MORC2: variants seen among roughly 807,000 people sequenced by gnomAD.
The protein encoded by MORC2 is MORC family CW-type zinc finger 2, also known as ATPase MORC2.
A neutral mutation model predicts 136.0 loss-of-function variants in MORC2; 30 were observed. The ratio of observed to expected loss-of-function variants is 0.22; its 90% CI spans 0.17 to 0.30. The LOEUF is 0.30. Among genes scored for constraint, MORC2 ranks in the 10% least tolerant of loss-of-function variants. The probability of loss-of-function intolerance (pLI) is 1.00; values close to 1 mark genes in which losing one functional copy is unlikely to be tolerated. For synonymous variants in MORC2, 439 were observed against 487.0 expected, an observed-to-expected ratio of 0.90 and a Z score of 1.30; for missense variants, 922 against 1,333.1, an observed-to-expected ratio of 0.69 and a Z score of 4.80.
In MORC2 at chr22:30,964,515, T is replaced by C. The variant is rs527593888; in HGVS notation, c.68+3307A>G. ...CAGTACTGCAAACAAAGTGACTTAA[T>C]ATACACATTTTATGCCAAAGGAACA... On this transcript the variant is annotated intron_variant, in intron 1 of 25. Transcript: ENST00000397641. Among the ~76,000 whole-genome samples, 7 of 152,324 alleles carry C rather than the reference T, an allele frequency of 4.6e-5. No homozygotes were observed. In the Middle Eastern group the frequency reaches 0.01, roughly 222 times the overall value.
At chr22:30,958,568 C>G in intron 2 of MORC2, 73 bp downstream of exon 2, 2 of 1,248,834 alleles carry the variant, frequency 1.6e-6, no homozygotes, top group Non-Finnish European at 2.3e-6. Flanking sequence ...CTCAAGTCTT[C>G]AGAGAGCAAA....
intron 6 of MORC2, among the ~76,000 whole-genome samples, chr22:30,945,780 A>G (rs1428424869): frequency 6.6e-6 from 1 of 152,116 alleles, no homozygotes; most frequent in Non-Finnish European, 1.5e-5. Context: ...TGTAGCAGCC[A>G]CTCCCAAGAC....
intron 17 of MORC2, among the ~76,000 whole-genome samples, chr22:30,935,734 T>C (rs998004805): frequency 1.3e-5 from 2 of 152,182 alleles, no homozygotes; most frequent in African/African-American, 4.8e-5. Context: ...AGGGAAATGG[T>C]TGTGTACTAA....
rs774025030 is a variant in MORC2, at chr22:30,967,437, CCTAA to C, written c.68+381_68+384del. The C allele has an allele frequency of 1.7e-4, 171 of 993,590 alleles. 1 individual carries two copies. Among genetic ancestry groups the C allele is most frequent in the Middle Eastern group, 1.0e-3 (2 of 1,938 alleles). The allele number at this position is 993,590 out of a possible 1,614,324, so 61.5% of individuals were successfully genotyped here. A position where few individuals can be genotyped will look rare whatever the true frequency, so the allele number is the denominator to read the frequency against. On this transcript the variant is annotated intron_variant, in intron 1 of 25. Coordinates refer to ENST00000397641, the MANE Select transcript of MORC2 (RefSeq NM_001303256.3). ...TTAGAAAGTAAACACTTGTTATAAA[CCTAA>C]CTGTTTAGGACGTTGTCACTACAGA...
intron 25 of MORC2, 112 bp downstream of exon 25, chr22:30,927,907 A>C: frequency 3.0e-6 from 4 of 1,328,508 alleles, no homozygotes; most frequent in Non-Finnish European, 4.1e-6. Flanking sequence ...CAGGGTGAGA[A>C]CCATAGATTC....
rs60514280 is a variant in MORC2, at chr22:30,926,550, C to CAAAAAAAAAAAAAA, written c.*239_*252dup. 3.9e-5 allele frequency: 1 copy of CAAAAAAAAAAAAAA among 25,740 alleles called. No homozygotes were observed. Among genetic ancestry groups the CAAAAAAAAAAAAAA allele is most frequent in the Admixed American group, 8.0e-4 (1 of 1,252 alleles). 1.6% of individuals were successfully genotyped at this position (25,740 alleles called of 1,614,324 possible). On this transcript the variant is annotated 3_prime_UTR_variant, in exon 26 of 26. Transcript: ENST00000397641. ...AAGGTTCTCTGTCCTTTGCAGTCAC[C>CAAAAAAAAAAAAAA]AAAAAAAAAAAAAAAAAAAAAAAAA...
chr22:30,941,351 A>T lies in MORC2; in HGVS notation c.824+82T>A. ...GCACTGCCAGAGCCTCTTATACAGC[A>T]TCCCTCTAACAATGCCCCAGAGAAA... On this transcript the variant is annotated intron_variant, in intron 9 of 25. Coordinates refer to ENST00000397641, the MANE Select transcript of MORC2 (RefSeq NM_001303256.3). The surrounding 1 kb of genome is among the most constrained non-coding windows in gnomAD (Gnocchi z 4.6). 6.4e-7 allele frequency: 1 copy of T among 1,561,958 alleles called. No individual in the cohort carries two copies. The highest frequency in any genetic ancestry group is 8.7e-7 in the Non-Finnish European group (1 of 1,152,452).
rs367704663 is a variant in MORC2, at chr22:30,937,634, G to C, written c.1447C>G (p.Leu483Val). ...ATAGCTCTCCGGCGTTTGTAACGCA[G>C]CTCACTGGATGGGGGCTGGTTCCAG... ...ANWNQPPSSE[L>V]RYKRRRAMEI... The change falls in exon 15 of 26, where the codon CTG (leucine) becomes GTG (valine). Residue 483 changes from leucine to valine, a missense_variant. Leu to Val is a conservative substitution (Grantham distance 32, BLOSUM62 1). Around this residue, in one of 9 missense-constraint regions of MORC2, gnomAD observed 119 missense variants for 202.7 expected, o/e 0.59. Transcript: ENST00000397641. This position sits in a 1 kb window ranked among gnomAD's most constrained non-coding sequence, Gnocchi z 4.7. 4.3e-6 allele frequency: 7 copies of C among 1,613,866 alleles called. No homozygotes were observed. The highest frequency in any genetic ancestry group is 1.7e-4 in the Middle Eastern group (1 of 5,800).
At chr22:30,940,100 C>G in intron 10 of MORC2, 59 bp from the exon 11 acceptor site, 1 of 1,533,782 alleles carries the variant, frequency 6.5e-7, no homozygotes, top group Non-Finnish European at 8.9e-7. Flanking sequence ...TTGGTCATCC[C>G]TCCTGGATCC....
Position 30,939,652 on chromosome 22 carries a change from C to T in MORC2, c.1042G>A (p.Val348Ile). Residue 348 changes from valine to isoleucine, a missense_variant, in exon 12 of 26, where the codon GTC (valine) becomes ATC (isoleucine). Physicochemically the swap from Val to Ile is conservative, Grantham distance 29 (BLOSUM62 3). Coordinates refer to ENST00000397641, the MANE Select transcript of MORC2 (RefSeq NM_001303256.3). Reference sequence around the variant, plus strand: ...TTGGCCTCCTTGATCCTCTTCTTGACATCGGCTTCTCTGCGCAGAGTGATG... The same window carrying T: ...TTGGCCTCCTTGATCCTCTTCTTGATATCGGCTTCTCTGCGCAGAGTGATG... ...RAITLRREADVKKRIKEAKQR... is the reference protein window; with the variant it reads ...RAITLRREADIKKRIKEAKQR... 6.2e-7 allele frequency: 1 copy of T among 1,614,196 alleles called. No homozygotes were observed. Among genetic ancestry groups the T allele is most frequent in the Non-Finnish European group, 8.5e-7 (1 of 1,180,036 alleles).
chr22:30,928,271 G>A (rs763001645), intron 24 of MORC2, 64 bp from the exon 25 acceptor site: 4 of 1,530,780 alleles, frequency 2.6e-6, no homozygotes, highest in Non-Finnish European at 3.6e-6. Flanking sequence ...GCCCTTCTAG[G>A]CTGACACGGG....
chr22:30,936,827 G>T, intron 16 of MORC2, 105 bp downstream of exon 16: 2 of 1,314,750 alleles, frequency 1.5e-6, no homozygotes, highest in Non-Finnish European at 2.2e-6. Flanking sequence ...CAGTTATTAG[G>T]TGTGGCAAGA....
chr22:30,926,312 C>T lies in MORC2; in HGVS notation c.*491G>A, dbSNP rs1243576092. 1.3e-5 allele frequency: 2 copies of T among 152,454 alleles called. No individual in the cohort carries two copies. Among genetic ancestry groups the T allele is most frequent in the African/African-American group, 2.4e-5 (1 of 41,378 alleles). The allele number at this position is 152,454 out of a possible 1,614,324, so 9.4% of individuals were successfully genotyped here. On this transcript the variant is annotated 3_prime_UTR_variant, in exon 26 of 26. Coordinates refer to ENST00000397641, the MANE Select transcript of MORC2 (RefSeq NM_001303256.3). ...ATGTGGAACCTCCTACACAGCCCCC[C>T]TTTTGGGTCCCTGGATATGAGCCCC... is the stretch of plus-strand genomic sequence containing the variant.
intron 1 of MORC2, chr22:30,963,412 G>T: frequency 1.4e-6 from 1 of 691,138 alleles, no homozygotes; most frequent in Non-Finnish European, 1.8e-6. Context: ...GAGAGATGGA[G>T]TCTTGCTCTG....
At chr22:30,938,284 G>A in intron 12 of MORC2, 79 bp from the exon 13 acceptor site, 1 of 1,534,022 alleles carries the variant, frequency 6.5e-7, no homozygotes, top group South Asian at 1.2e-5. Context: ...TTAAGCTTAA[G>A]CTTAAACTTG....
Position 30,933,498 on chromosome 22 carries a change from T to C in MORC2, c.2348A>G (p.Glu783Gly). 6.2e-7 allele frequency: 1 copy of C among 1,613,816 alleles called. No homozygotes were observed. Among genetic ancestry groups the C allele is most frequent in the Non-Finnish European group, 8.5e-7 (1 of 1,179,940 alleles). The change falls in exon 21 of 26, where the codon GAG becomes GGG. Residue 783 changes from glutamate (E) to glycine (G), a missense_variant. Glu to Gly is a moderately conservative substitution (Grantham distance 98, BLOSUM62 -2). Coordinates refer to ENST00000397641, the MANE Select transcript of MORC2 (RefSeq NM_001303256.3). ...SNELSDSAGE[E>G]DSADLKRAQK... ...AGCTCTCTTGAGGTCAGCCGAGTCC[T>C]CTTCCCCAGCACTGTCTGAGAGCTG... is the stretch of plus-strand genomic sequence containing the variant.
chr22:30,947,825 C>T lies in MORC2; in HGVS notation c.318-1376G>A, dbSNP rs541846463. Reference sequence around the variant, plus strand: ...CTTTGTGCCTCTATCTTCCTTCTGTCTTTGATTCTGACTTTAGCCTTTGAA... The same window carrying T: ...CTTTGTGCCTCTATCTTCCTTCTGTTTTTGATTCTGACTTTAGCCTTTGAA... On this transcript the variant is annotated intron_variant, in intron 5 of 25. Transcript: ENST00000397641. 6.5e-4 allele frequency among the ~76,000 whole-genome samples: 99 copies of T among 152,320 alleles called. 1 individual carries two copies. In the South Asian group the frequency reaches 8.5e-3, roughly 13 times the overall value.
Position 30,967,302 on chromosome 22 carries a change from A to G in MORC2, c.68+520T>C, listed in dbSNP as rs576440975. ...CAAGTTGCCGTTTCCTGTTTAGCATATACAAATAATATTGGATGTGAGCAA... is the reference window on the plus strand; with the variant it reads ...CAAGTTGCCGTTTCCTGTTTAGCATGTACAAATAATATTGGATGTGAGCAA... On this transcript the variant is annotated intron_variant, in intron 1 of 25. Transcript: ENST00000397641. The G allele has an allele frequency of 8.1e-6, 8 of 987,418 alleles. No individual in the cohort carries two copies. In the East Asian group the frequency reaches 4.5e-4, roughly 56 times the overall value. The allele number at this position is 987,418 out of a possible 1,614,324, so 61.2% of individuals were successfully genotyped here.
In MORC2 at chr22:30,946,779, G is replaced by A. The variant is rs140590896; in HGVS notation, c.318-330C>T. On this transcript the variant is annotated intron_variant, in intron 5 of 25. Coordinates refer to ENST00000397641, the MANE Select transcript of MORC2 (RefSeq NM_001303256.3). ...AGGTTAGTCTCACTCCCCCCACAACGCTGAAGAGTAACCCTGCTGTCTTTG... is the reference window on the plus strand; with the variant it reads ...AGGTTAGTCTCACTCCCCCCACAACACTGAAGAGTAACCCTGCTGTCTTTG... Among the ~76,000 whole-genome samples, 152 of 152,220 alleles carry A rather than the reference G, an allele frequency of 1.0e-3. 1 individual carries two copies. Among genetic ancestry groups the A allele is most frequent in the African/African-American group, 3.4e-3 (142 of 41,538 alleles).
Sources: gnomAD v4.1 joint callset for allele counts (sites outside exome capture counted in the v4.1 genomes callset) on GRCh38, gnomAD v4.1.1 for gene constraint, gnomAD v4.1.1 regional missense constraint, Gnocchi (gnomAD v3.1) non-coding constraint, MANE v1.5 for transcripts, NCBI Gene and HGNC (gene_info 2026-07-23, HGNC 2026-07-21) for gene names.